Variants in TPR observed in about 807,000 individuals in gnomAD.
TPR encodes the protein translocated promoter region, nuclear basket protein, also known as nucleoprotein TPR.
A neutral mutation model predicts 316.1 loss-of-function variants in TPR; 51 were observed. The observed-to-expected ratio is 0.16, with a 90% CI of 0.13 to 0.20. The LOEUF is 0.20. Among genes scored for constraint, TPR ranks in the 10% least tolerant of loss-of-function variants. TPR has a pLI of 1.00. For synonymous variants in TPR, 981 were observed against 914.7 expected (o/e 1.07, Z -1.31); for missense variants, 2,272 against 2,754.8 (o/e 0.82, Z 3.92).
rs138865058 is a variant in TPR, at chr1:186,332,784, T to C, written c.5455+338A>G. Among the ~76,000 whole-genome samples, 23 of 152,226 alleles carry C rather than the reference T, an allele frequency of 1.5e-4. No individual in the cohort carries two copies. The East Asian group carries it at 4.3e-3, about 28-fold the overall frequency. ...TTAGTCCTCAGGACTTCCGTTAAATTATATACAATGTTTTGCATTAATATG... is the reference window on the plus strand; with the variant it reads ...TTAGTCCTCAGGACTTCCGTTAAATCATATACAATGTTTTGCATTAATATG... On this transcript the variant is annotated intron_variant, in intron 37 of 50. Coordinates refer to ENST00000367478, the MANE Select transcript of TPR (RefSeq NM_003292.3).
At chr1:186,347,662 T>C (rs3124809) in intron 21 of TPR, among the ~76,000 whole-genome samples, 2 of 152,140 alleles carry the variant, frequency 1.3e-5, no homozygotes, top group Admixed American at 1.3e-4. Context: ...ATATTAATAT[T>C]TTAAATCTGT....
chr1:186,327,156 A>AT (rs1431252182), intron 40 of TPR, among the ~76,000 whole-genome samples: 1 of 4,506 alleles, frequency 2.2e-4, no homozygotes, highest in Non-Finnish European at 5.0e-4. Context: ...AATATATATA[A>AT]ATATATAACA....
In TPR at chr1:186,311,811, G is replaced by T; in HGVS notation, c.*2160C>A. 1.6e-6 allele frequency: 1 copy of T among 608,994 alleles called. No homozygotes were observed. Among genetic ancestry groups the T allele is most frequent in the Non-Finnish European group, 2.8e-6 (1 of 352,824 alleles). 37.7% of individuals were successfully genotyped at this position (608,994 alleles called of 1,614,324 possible). The stretch of plus-strand genomic sequence containing the variant: ...AGTCACAATTCATTTGAGTTTTCAG[G>T]TCACTGATAGAATGTCATTTACTTT... On this transcript the variant is annotated 3_prime_UTR_variant, in exon 51 of 51. Transcript: ENST00000367478.
chr1:186,320,278 C>T (rs765193995), intron 46 of TPR, 34 bp downstream of exon 46: 2 of 1,550,222 alleles, frequency 1.3e-6, no homozygotes, highest in African/African-American at 1.4e-5. Context: ...CAAATACATA[C>T]AAATTCAGGG....
Position 186,361,716 on chromosome 1 carries a change from G to A in TPR, c.871-7C>T. On this transcript the variant is annotated splice_polypyrimidine_tract_variant and splice_region_variant and intron_variant, in intron 8 of 50. Transcript: ENST00000367478. Reference sequence around the variant, plus strand: ...CTGAGTCATCAGCGGCACTCTAAAAGTTAATCTTAAAAAGTTACCTAACAG... The same window carrying A: ...CTGAGTCATCAGCGGCACTCTAAAAATTAATCTTAAAAAGTTACCTAACAG... The A allele has an allele frequency of 6.2e-7, 1 of 1,613,238 alleles. No individual in the cohort carries two copies. Among genetic ancestry groups the A allele is most frequent in the South Asian group, 1.1e-5 (1 of 91,050 alleles).
At chr1:186,367,173 T>C (rs1659373925) in intron 4 of TPR, among the ~76,000 whole-genome samples, 1 of 150,994 alleles carries the variant, frequency 6.6e-6, no homozygotes, top group African/African-American at 2.4e-5. Context: ...TTTAAGCAAT[T>C]CTCTGCCTCA....
intron 14 of TPR, 116 bp downstream of exon 14, chr1:186,357,281 C>G (rs1659058202): frequency 1.0e-6 from 1 of 982,630 alleles, no homozygotes; most frequent in Admixed American, 2.5e-5. Flanking sequence ...CTCCTGGGCT[C>G]AAATGATACC....
In TPR at chr1:186,327,292, A is replaced by AATATATTATATATTT. The variant is rs1233792899; in HGVS notation, c.5889+167_5889+168insAAATATATAATATAT. On this transcript the variant is annotated intron_variant, in intron 40 of 50. Transcript: ENST00000367478. ...TATATATTTATATATAATATATATA[A>AATATATTATATATTT]ATATATAATATATAATATATTAAAT... 1.2e-4 allele frequency among the ~76,000 whole-genome samples: 11 copies of AATATATTATATATTT among 88,816 alleles called. 1 individual carries two copies. The highest frequency in any genetic ancestry group is 2.1e-4 in the Non-Finnish European group (10 of 48,512). 58.3% of individuals were successfully genotyped at this position (88,816 alleles called of 152,430 possible).
Position 186,373,456 on chromosome 1 carries a change from CTGT to C in TPR, c.156_158del (p.Gln53del). Reference sequence around the variant, plus strand: ...ACAACCTCTTTTCTATTTCAAAATACTGTTGTTCTACAGCAGACAAGCAAAAAA... The same window carrying C: ...ACAACCTCTTTTCTATTTCAAAATACTGTTCTACAGCAGACAAGCAAAAAA... On this transcript the variant is annotated inframe_deletion, in exon 2 of 51. Transcript: ENST00000367478. 6.2e-7 allele frequency: 1 copy of C among 1,611,682 alleles called. No individual in the cohort carries two copies. The highest frequency in any genetic ancestry group is 8.5e-7 in the Non-Finnish European group (1 of 1,178,678).
chr1:186,314,066 A>G, intron 50 of TPR, 40 bp from the exon 51 acceptor site: 1 of 1,579,108 alleles, frequency 6.3e-7, no homozygotes, highest in Non-Finnish European at 8.6e-7. Context: ...ATATCTTTTA[A>G]GAATTCAAAA....
At chr1:186,322,964 A>G (rs914345199) in intron 43 of TPR, among the ~76,000 whole-genome samples, 16 of 152,294 alleles carry the variant, frequency 1.1e-4, no homozygotes, top group African/African-American at 3.6e-4. Context: ...TCCAGTTAAG[A>G]TAATTCTAAA....
intron 31 of TPR, 27 bp from the exon 32 acceptor site, chr1:186,337,183 C>G (rs749649518): frequency 6.3e-7 from 1 of 1,591,232 alleles, no homozygotes; most frequent in East Asian, 2.3e-5. Flanking sequence ...TAATAATACA[C>G]TCACATATTT....
chr1:186,368,600 A>G (rs1176833528), intron 3 of TPR, among the ~76,000 whole-genome samples: 1 of 152,146 alleles, frequency 6.6e-6, no homozygotes, highest in African/African-American at 2.4e-5. Context: ...ACAGAGTGAG[A>G]CCCTGTCTCA....
chr1:186,364,273 G>A (rs577904232), intron 4 of TPR, among the ~76,000 whole-genome samples: 8 of 151,926 alleles, frequency 5.3e-5, no homozygotes, highest in Non-Finnish European at 1.2e-4. Context: ...GAAATATCAC[G>A]ACAATATTTT....
intron 46 of TPR, 99 bp from the exon 47 acceptor site, chr1:186,318,927 C>T: frequency 9.0e-7 from 1 of 1,111,052 alleles, no homozygotes; most frequent in South Asian, 1.4e-5. Flanking sequence ...TGGAGATATA[C>T]AACTTTACTA....
Position 186,335,078 on chromosome 1 carries a change from C to G in TPR, c.4963G>C (p.Glu1655Gln). ...ITLKTTPASG[E>Q]RGIASTSDPP... ...ATAACTAAAACTCACATTCCTCTTT[C>G]ACCAGAAGCTGGAGTTGTTTTCAAT... Residue 1655 changes from glutamate (E) to glutamine (Q), a missense_variant, in exon 35 of 51, where the codon GAA (glutamate) becomes CAA (glutamine). By Grantham distance (29) the Glu-to-Gln change is conservative (BLOSUM62 2). Transcript: ENST00000367478. 6.2e-7 allele frequency: 1 copy of G among 1,612,648 alleles called. No individual in the cohort carries two copies. Among genetic ancestry groups the G allele is most frequent in the Non-Finnish European group, 8.5e-7 (1 of 1,179,362 alleles).
chr1:186,362,284 A>G lies in TPR; in HGVS notation c.789+4T>C, dbSNP rs768480365. ...AAAAAAGACATTTTAATGGTCATAT[A>G]TACCTCTTTTAATTTGGTCAACAGA... On this transcript the variant is annotated splice_donor_region_variant and intron_variant, in intron 7 of 50. Transcript: ENST00000367478. 2 of 1,607,678 alleles carry G rather than the reference A, an allele frequency of 1.2e-6. No homozygotes were observed. The highest frequency in any genetic ancestry group is 1.7e-6 in the Non-Finnish European group (2 of 1,175,136).
At chr1:186,340,938 T>C (rs1286609750) in intron 29 of TPR, 90 bp downstream of exon 29, 28 of 1,475,976 alleles carry the variant, frequency 1.9e-5, no homozygotes, top group Non-Finnish European at 2.6e-5. Context: ...TAATTTTCAC[T>C]AGTTCCTCAA....
intron 21 of TPR, among the ~76,000 whole-genome samples, chr1:186,348,532 T>G (rs1658751966): frequency 1.3e-5 from 2 of 152,140 alleles, no homozygotes; most frequent in Non-Finnish European, 2.9e-5. Flanking sequence ...GGTTCTGCTT[T>G]TGCTCTTTGA....
Sources: gnomAD v4.1 joint callset for allele counts (sites outside exome capture counted in the v4.1 genomes callset) on GRCh38, gnomAD v4.1.1 for gene constraint, MANE v1.5 for transcripts, NCBI Gene and HGNC (gene_info 2026-07-23, HGNC 2026-07-21) for gene names.